Variants in SYN3 observed in about 807,000 individuals in gnomAD.
The protein encoded by SYN3 is synapsin III.
SYN3 carries 35 observed loss-of-function variants against 65.8 expected under a neutral mutation model. The observed-to-expected ratio is 0.53, with a 90% CI of 0.41 to 0.70. SYN3 has a LOEUF of 0.70. Among genes scored for constraint, SYN3 ranks in the 30% least tolerant of loss-of-function variants. SYN3 has a pLI of 0.00. For synonymous variants in SYN3, 270 were observed against 292.9 expected, an observed-to-expected ratio of 0.92 and a Z score of 0.80; for missense variants, 680 against 749.0, an observed-to-expected ratio of 0.91 and a Z score of 1.08.
At chr22:32,756,699 G>C (rs1449049169) in intron 6 of SYN3, among the ~76,000 whole-genome samples, 1 of 152,088 alleles carries the variant, frequency 6.6e-6, no homozygotes, top group Non-Finnish European at 1.5e-5. Flanking sequence ...CACCTCCCCT[G>C]ACTCCTAGCC....
rs143566165 is a variant in SYN3, at chr22:32,807,773, A to C, written c.711+57142T>G. On this transcript the variant is annotated intron_variant, in intron 6 of 13. Coordinates refer to ENST00000358763, the MANE Select transcript of SYN3 (RefSeq NM_003490.4). ...ATTATATATACTACTACATACTCTT[A>C]TATTATTATAATTATATAATATGCA... Among the ~76,000 whole-genome samples the C allele has an allele frequency of 3.6e-3, 540 of 151,762 alleles. 4 individuals carry two copies. The highest frequency in any genetic ancestry group is 5.2e-3 in the South Asian group (25 of 4,812).
chr22:32,933,679 C>A (rs1229194185), intron 3 of SYN3, among the ~76,000 whole-genome samples: 1 of 152,092 alleles, frequency 6.6e-6, no homozygotes, highest in Non-Finnish European at 1.5e-5. Flanking sequence ...ACCTCGTGAT[C>A]CGCCCGCCTC....
chr22:32,685,306 A>G (rs1259480140), intron 6 of SYN3, among the ~76,000 whole-genome samples: 5 of 151,900 alleles, frequency 3.3e-5, no homozygotes, highest in Non-Finnish European at 5.9e-5. Flanking sequence ...ACATCCCAAA[A>G]TTAGCAAGAT....
chr22:32,841,931 T>C (rs1000114356), intron 6 of SYN3, among the ~76,000 whole-genome samples: 1 of 152,108 alleles, frequency 6.6e-6, no homozygotes, highest in African/African-American at 2.4e-5. Context: ...GTGCAGATGG[T>C]GCTGAGACCC....
intron 4 of SYN3, among the ~76,000 whole-genome samples, chr22:32,888,109 T>G (rs1037422177): frequency 4.6e-5 from 7 of 152,254 alleles, no homozygotes; most frequent in African/African-American, 1.7e-4. Flanking sequence ...GCTTGTTGGC[T>G]ATTTTTGGAT....
chr22:32,810,976 TGGG>T (rs930020630), intron 6 of SYN3, among the ~76,000 whole-genome samples: 1 of 152,012 alleles, frequency 6.6e-6, no homozygotes, highest in Non-Finnish European at 1.5e-5. Flanking sequence ...ATCTCTAAAA[TGGG>T]GGGAAATATA....
intron 6 of SYN3, among the ~76,000 whole-genome samples, chr22:32,645,536 A>G (rs2059971563): frequency 6.6e-6 from 1 of 151,790 alleles, no homozygotes; most frequent in Admixed American, 6.6e-5. Context: ...AATTTACTCT[A>G]CAAGTAATAC....
intron 3 of SYN3, among the ~76,000 whole-genome samples, chr22:32,975,202 C>T (rs967630821): frequency 6.6e-6 from 1 of 152,056 alleles, no homozygotes; most frequent in Non-Finnish European, 1.5e-5. Context: ...TGGTGAAACC[C>T]TGTCTTTACT....
chr22:32,748,613 T>C (rs2045012400), intron 6 of SYN3, among the ~76,000 whole-genome samples: 2 of 152,194 alleles, frequency 1.3e-5, no homozygotes, highest in Admixed American at 6.5e-5. Flanking sequence ...TTATCTGCCA[T>C]GTAGATAAAT....
chr22:32,677,129 C>T lies in SYN3; in HGVS notation c.712-80393G>A, dbSNP rs906390436. ...ACTCAGGGGCTTCAGAGATGGATAACGCTGTTCCTATCCTGGAGGAGCTTA... is the reference window on the plus strand; with the variant it reads ...ACTCAGGGGCTTCAGAGATGGATAATGCTGTTCCTATCCTGGAGGAGCTTA... On this transcript the variant is annotated intron_variant, in intron 6 of 13. Coordinates refer to ENST00000358763, the MANE Select transcript of SYN3 (RefSeq NM_003490.4). Among the ~76,000 whole-genome samples the T allele has an allele frequency of 1.1e-3, 175 of 152,250 alleles. 2 individuals are homozygous for T. Among genetic ancestry groups the T allele is most frequent in the South Asian group, 3.1e-3 (15 of 4,820 alleles).
intron 6 of SYN3, among the ~76,000 whole-genome samples, chr22:32,717,674 C>A (rs925410559): frequency 1.3e-5 from 2 of 152,170 alleles, no homozygotes; most frequent in Non-Finnish European, 2.9e-5. Flanking sequence ...GCTCACTCTG[C>A]ACTTGAGAAC....
intron 6 of SYN3, among the ~76,000 whole-genome samples, chr22:32,781,475 G>T (rs1226502702): frequency 6.6e-6 from 1 of 152,014 alleles, no homozygotes; most frequent in Non-Finnish European, 1.5e-5. Context: ...AACCTCTCTG[G>T]GTTTCAGTTT....
intron 7 of SYN3, among the ~76,000 whole-genome samples, chr22:32,595,360 T>C (rs904471457): frequency 2.0e-5 from 3 of 152,180 alleles, no homozygotes; most frequent in Non-Finnish European, 4.4e-5. Context: ...TCAAGCTCTA[T>C]TTCATTTGAA....
chr22:32,738,088 C>A (rs539641951), intron 6 of SYN3, among the ~76,000 whole-genome samples: 1 of 152,314 alleles, frequency 6.6e-6, no homozygotes, highest in East Asian at 1.9e-4. Flanking sequence ...ACAGCTACCA[C>A]CACTTGTTTA....
chr22:32,812,116 A>G (rs2046931439), intron 6 of SYN3, among the ~76,000 whole-genome samples: 1 of 152,088 alleles, frequency 6.6e-6, no homozygotes, highest in Admixed American at 6.6e-5. Flanking sequence ...TTATCTGTAA[A>G]ACAGCAGGAT....
At chr22:32,602,454 T>TTTTG (rs527805956) in intron 6 of SYN3, among the ~76,000 whole-genome samples, 5 of 152,068 alleles carry the variant, frequency 3.3e-5, no homozygotes, top group South Asian at 2.1e-4. Context: ...TTTTGTTTTG[T>TTTTG]TTTGTTTGTT....
chr22:32,513,041 G>A lies in SYN3; in HGVS notation c.*651C>T, dbSNP rs1307588233. 4 of 152,066 alleles carry A rather than the reference G, an allele frequency of 2.6e-5. No individual in the cohort carries two copies. The highest frequency in any genetic ancestry group is 2.1e-4 in the South Asian group (1 of 4,796). 9.4% of individuals were successfully genotyped at this position (152,066 alleles called of 1,614,324 possible). Reference sequence around the variant, plus strand: ...TTACAAGGGCCCCCCTGTTTCTGTCGTGTTCTGAAAGACCCCACTTGTCAT... The same window carrying A: ...TTACAAGGGCCCCCCTGTTTCTGTCATGTTCTGAAAGACCCCACTTGTCAT... On this transcript the variant is annotated 3_prime_UTR_variant, in exon 14 of 14. Transcript: ENST00000358763.
chr22:32,530,488 A>G (rs2058050357), intron 10 of SYN3, among the ~76,000 whole-genome samples: 1 of 152,144 alleles, frequency 6.6e-6, no homozygotes, highest in East Asian at 1.9e-4. Context: ...CAGGGTAGGA[A>G]CTGAGAAGAG....
intron 2 of SYN3, among the ~76,000 whole-genome samples, chr22:33,004,244 G>A (rs1028142965): frequency 6.6e-6 from 1 of 152,210 alleles, no homozygotes; most frequent in Admixed American, 6.5e-5. Flanking sequence ...GCTGTAAGAA[G>A]AGGGCTACTG....
Sources: gnomAD v4.1 joint callset for allele counts (sites outside exome capture counted in the v4.1 genomes callset) on GRCh38, gnomAD v4.1.1 for gene constraint, MANE v1.5 for transcripts, NCBI Gene and HGNC (gene_info 2026-07-23, HGNC 2026-07-21) for gene names.